Variants in CCSER1 observed in about 807,000 individuals in gnomAD.
CCSER1 encodes the protein serine-rich coiled-coil domain-containing protein 1.
CCSER1 carries 41 observed loss-of-function variants against 82.0 expected under a neutral mutation model. The observed-to-expected ratio is 0.50, with a 90% CI of 0.39 to 0.65. CCSER1 has a LOEUF of 0.65. Among genes scored for constraint, CCSER1 ranks in the 30% least tolerant of loss-of-function variants. CCSER1 has a pLI of 0.00. For missense variants in CCSER1, 1,119 were observed against 1,064.2 expected (o/e 1.05, Z -0.72); for synonymous variants, 414 against 383.9 (o/e 1.08, Z -0.92).
intron 3 of CCSER1, among the ~76,000 whole-genome samples, chr4:90,316,684 T>G (rs1736226138): frequency 6.6e-6 from 1 of 152,228 alleles, no homozygotes; most frequent in Non-Finnish European, 1.5e-5. Flanking sequence ...ATTCTCATAA[T>G]AAAATATGGC....
intron 9 of CCSER1, among the ~76,000 whole-genome samples, chr4:91,037,379 G>T (rs1185934989): frequency 6.6e-6 from 1 of 152,126 alleles, no homozygotes; most frequent in Non-Finnish European, 1.5e-5. Flanking sequence ...TGGTGAGCAG[G>T]AGTCTCTCAG....
At chr4:90,692,532 G>GA (rs1270494535) in intron 6 of CCSER1, among the ~76,000 whole-genome samples, 5 of 151,918 alleles carry the variant, frequency 3.3e-5, no homozygotes, top group Non-Finnish European at 7.4e-5. Context: ...AACATTAAGG[G>GA]ACACTTGACC....
chr4:90,449,418 C>A (rs1169126506), intron 4 of CCSER1, among the ~76,000 whole-genome samples: 3 of 152,226 alleles, frequency 2.0e-5, no homozygotes, highest in Non-Finnish European at 4.4e-5. Flanking sequence ...AAGCTATTCC[C>A]AGATTCAAGG....
Position 91,402,363 on chromosome 4 carries a change from T to C in CCSER1, c.2218-196209T>C, listed in dbSNP as rs557615800. On this transcript the variant is annotated intron_variant, in intron 10 of 10. Transcript: ENST00000509176. ...GTAGGTTGCCTATTCACTCTGATGG[T>C]AGTTTCTTTTGCTGTGCAGAAGCTC... Among the ~76,000 whole-genome samples, 14 of 152,340 alleles carry C rather than the reference T, an allele frequency of 9.2e-5. 1 individual carries two copies. The South Asian group carries it at 2.9e-3, about 32-fold the overall frequency.
intron 3 of CCSER1, among the ~76,000 whole-genome samples, chr4:90,382,469 A>G (rs1578199187): frequency 6.6e-6 from 1 of 152,104 alleles, no homozygotes; most frequent in Middle Eastern, 3.4e-3. Context: ...ATACTTCCAA[A>G]CTACTCATGT....
At chr4:90,543,436 A>G (rs1248940980) in intron 5 of CCSER1, among the ~76,000 whole-genome samples, 2 of 152,312 alleles carry the variant, frequency 1.3e-5, no homozygotes, top group African/African-American at 4.8e-5. Context: ...AAATGTTTCT[A>G]GATCAGAATT....
In CCSER1 at chr4:90,257,530, C is replaced by CAGATAGATAGAT. The variant is rs70963062; in HGVS notation, c.-41-50692_-41-50681dup. Among the ~76,000 whole-genome samples, 1,001 of 150,192 alleles carry CAGATAGATAGAT rather than the reference C, an allele frequency of 6.7e-3. 12 individuals carry two copies. Among genetic ancestry groups the CAGATAGATAGAT allele is most frequent in the African/African-American group, 0.024 (971 of 40,558 alleles). On this transcript the variant is annotated intron_variant, in intron 1 of 10. Coordinates refer to ENST00000509176, the MANE Select transcript of CCSER1 (RefSeq NM_001145065.2). ...AGAGAGAGAGAGTGCCAATAGGATA[C>CAGATAGATAGAT]AGATAGATAGATAGATAGATAGATA...
At chr4:91,542,681 T>C (rs1761667048) in intron 10 of CCSER1, among the ~76,000 whole-genome samples, 1 of 152,176 alleles carries the variant, frequency 6.6e-6, no homozygotes, top group Non-Finnish European at 1.5e-5. Flanking sequence ...TTGTTATAAT[T>C]TCTGTTCTTT....
intron 7 of CCSER1, among the ~76,000 whole-genome samples, chr4:90,734,243 T>C (rs1813103): frequency 0.98 from 149,552 of 152,064 alleles, 73,548 homozygotes; most frequent in East Asian, 1. Context: ...CTCCTGCCTC[T>C]GCCTCTCAAG....
intron 9 of CCSER1, among the ~76,000 whole-genome samples, chr4:90,984,213 G>A (rs546045764): frequency 9.2e-5 from 14 of 151,848 alleles, no homozygotes; most frequent in Middle Eastern, 3.4e-3. Flanking sequence ...TTAAAGGTGC[G>A]TTGTTGAGAA....
chr4:90,208,706 T>G (rs1308906367), intron 1 of CCSER1, among the ~76,000 whole-genome samples: 1 of 152,152 alleles, frequency 6.6e-6, no homozygotes, highest in Non-Finnish European at 1.5e-5. Flanking sequence ...TGGGCCAGAA[T>G]GCACTGTTCC....
intron 10 of CCSER1, among the ~76,000 whole-genome samples, chr4:91,446,763 A>G (rs985274689): frequency 6.7e-5 from 10 of 149,730 alleles, no homozygotes; most frequent in African/African-American, 2.4e-4. Context: ...ATTTGACAAT[A>G]CAGTTTTATG....
intron 10 of CCSER1, among the ~76,000 whole-genome samples, chr4:91,373,931 G>T (rs1750215933): frequency 6.6e-6 from 1 of 152,140 alleles, no homozygotes; most frequent in Non-Finnish European, 1.5e-5. Context: ...TAGTGGTCTG[G>T]ATAAAAAATC....
chr4:90,495,825 A>T (rs1408905206), intron 5 of CCSER1, among the ~76,000 whole-genome samples: 1 of 152,182 alleles, frequency 6.6e-6, no homozygotes, highest in Non-Finnish European at 1.5e-5. Flanking sequence ...TATTTCTATA[A>T]TTATCAGGCC....
chr4:90,359,721 A>G (rs1279753787), intron 3 of CCSER1, among the ~76,000 whole-genome samples: 1 of 151,666 alleles, frequency 6.6e-6, no homozygotes, highest in Non-Finnish European at 1.5e-5. Flanking sequence ...TGGGCAACAG[A>G]GCAAGACTCC....
intron 1 of CCSER1, among the ~76,000 whole-genome samples, chr4:90,303,756 C>T (rs1733651543): frequency 6.6e-6 from 1 of 152,168 alleles, no homozygotes; most frequent in Admixed American, 6.5e-5. Context: ...GACTTCATGT[C>T]TAAAACACCA....
At chr4:91,232,227 T>C (rs577063646) in intron 10 of CCSER1, among the ~76,000 whole-genome samples, 11 of 152,042 alleles carry the variant, frequency 7.2e-5, no homozygotes, top group African/African-American at 2.4e-4. Flanking sequence ...TCTAGGACTT[T>C]ATACTTCAGG....
intron 10 of CCSER1, among the ~76,000 whole-genome samples, chr4:91,220,378 C>T (rs1369870261): frequency 6.6e-6 from 1 of 152,110 alleles, no homozygotes; most frequent in Non-Finnish European, 1.5e-5. Flanking sequence ...TTTATTTTGC[C>T]TGAACAATCA....
At chr4:90,205,313 G>C (rs1278504815) in intron 1 of CCSER1, among the ~76,000 whole-genome samples, 2 of 152,138 alleles carry the variant, frequency 1.3e-5, no homozygotes, top group East Asian at 3.9e-4. Context: ...CATTCAGTAT[G>C]ATATTGGCTG....
Sources: allele counts gnomAD v4.1 joint callset (sites outside exome capture counted in the v4.1 genomes callset), GRCh38; gene constraint gnomAD v4.1.1; transcripts MANE v1.5; gene names NCBI Gene and HGNC (gene_info 2026-07-23, HGNC 2026-07-21).